The following TENM2 variants were observed in gnomAD, a reference collection of about 807,000 sequenced individuals.
TENM2 encodes teneurin transmembrane protein 2.
TENM2 carries 52 observed loss-of-function variants against 245.2 expected under a neutral mutation model. That is an observed-to-expected ratio of 0.21 (90% confidence interval 0.17 to 0.27). The LOEUF (loss-of-function observed/expected upper bound fraction) is 0.27, where lower values mean the gene tolerates loss of function less well. TENM2 is among the 10% of genes least tolerant of loss of function. The pLI is 1.00. For missense variants in TENM2, 3,046 were observed against 3,666.8 expected (o/e 0.83, Z 4.37); for synonymous variants, 1,363 against 1,438.9 (o/e 0.95, Z 1.19).
At position 168,151,730 on chromosome 5, in the gene TENM2, C is replaced by A. The variant is rs142585750; in HGVS notation, c.2423-10881C>A. Among the ~76,000 whole-genome samples, 206 of 152,328 alleles carry A rather than the reference C, an allele frequency of 1.4e-3. 1 individual carries two copies. Among genetic ancestry groups the A allele is most frequent in the African/African-American group, 4.5e-3 (186 of 41,578 alleles). On this transcript the variant is annotated intron_variant, in intron 12 of 28. Transcript: ENST00000518659. Reference sequence around the variant, plus strand: ...TGACTGAGGTGACCTGATGCAGTGGCCCCGGGCAGCAGCAGAATCTGTTGG... The same window carrying A: ...TGACTGAGGTGACCTGATGCAGTGGACCCGGGCAGCAGCAGAATCTGTTGG...
chr5:167,267,124 G>T, the TENM2 span, among the ~76,000 whole-genome samples: 1 of 152,148 alleles, frequency 6.6e-6, no homozygotes, highest in African/African-American at 2.4e-5. Context: ...AACCTAGGAA[G>T]GCATTTAATA....
chr5:167,071,565 A>G, the TENM2 span, among the ~76,000 whole-genome samples: 1 of 152,182 alleles, frequency 6.6e-6, no homozygotes, highest in Admixed American at 6.5e-5. Context: ...CATAATCTTG[A>G]TTAGTCAATC....
At chr5:167,844,781 C>A (rs1769872761) in intron 2 of TENM2, among the ~76,000 whole-genome samples, 1 of 148,768 alleles carries the variant, frequency 6.7e-6, no homozygotes, top group Non-Finnish European at 1.5e-5. Flanking sequence ...GCCTTTATCT[C>A]AATGCAGGTT....
At chr5:167,749,208 G>A (rs191877038) in intron 2 of TENM2, among the ~76,000 whole-genome samples, 1 of 152,122 alleles carries the variant, frequency 6.6e-6, no homozygotes. Context: ...GACTATACAA[G>A]GCATTATACT....
chr5:167,334,933 A>T (rs914277225), intron 1 of TENM2, among the ~76,000 whole-genome samples: 2 of 152,236 alleles, frequency 1.3e-5, no homozygotes, highest in Non-Finnish European at 2.9e-5. Flanking sequence ...CAAATTTCAT[A>T]GCAAGTATTT....
At chr5:168,020,584 G>T (rs555125251) in intron 5 of TENM2, among the ~76,000 whole-genome samples, 1 of 152,254 alleles carries the variant, frequency 6.6e-6, no homozygotes, top group Admixed American at 6.5e-5. Flanking sequence ...CAGCAGCTTA[G>T]GTGGCAGATC....
intron 12 of TENM2, among the ~76,000 whole-genome samples, chr5:168,143,467 G>A (rs1755739192): frequency 6.6e-6 from 1 of 152,042 alleles, no homozygotes; most frequent in African/African-American, 2.4e-5. Context: ...GCAGAAGTGG[G>A]GGGAAAAAAC....
At chr5:167,067,121 T>C in the TENM2 span, among the ~76,000 whole-genome samples, 1 of 152,196 alleles carries the variant, frequency 6.6e-6, no homozygotes, top group Admixed American at 6.5e-5. Flanking sequence ...AGTGATTCTG[T>C]ATAAAATTGG....
At chr5:167,507,745 T>C (rs1769652111) in intron 2 of TENM2, among the ~76,000 whole-genome samples, 2 of 152,168 alleles carry the variant, frequency 1.3e-5, no homozygotes, top group Non-Finnish European at 2.9e-5. Context: ...TTGCTGTGTA[T>C]GGGTTAGTAT....
At chr5:168,164,736 A>G (rs1758066767) in intron 13 of TENM2, among the ~76,000 whole-genome samples, 1 of 152,176 alleles carries the variant, frequency 6.6e-6, no homozygotes, top group Admixed American at 6.5e-5. Flanking sequence ...CAGGTATGTT[A>G]TCCACCCCCA....
At chr5:167,870,088 A>G (rs1772683663) in intron 2 of TENM2, among the ~76,000 whole-genome samples, 1 of 152,206 alleles carries the variant, frequency 6.6e-6, no homozygotes, top group Non-Finnish European at 1.5e-5. Flanking sequence ...TCCTTTTGCA[A>G]TACTTAACTT....
intron 2 of TENM2, among the ~76,000 whole-genome samples, chr5:167,584,573 C>T (rs1180453341): frequency 6.6e-6 from 1 of 152,140 alleles, no homozygotes; most frequent in Non-Finnish European, 1.5e-5. Context: ...CTTTTGTTAT[C>T]TGGGCATGAA....
chr5:168,051,415 T>C (rs1323513466), intron 6 of TENM2, among the ~76,000 whole-genome samples: 1 of 152,088 alleles, frequency 6.6e-6, no homozygotes, highest in Non-Finnish European at 1.5e-5. Context: ...ACAGAGACTA[T>C]ATGGCCCAAA....
At chr5:167,896,384 C>A (rs1366748512) in intron 3 of TENM2, among the ~76,000 whole-genome samples, 1 of 152,230 alleles carries the variant, frequency 6.6e-6, no homozygotes, top group African/African-American at 2.4e-5. Context: ...AGGCTGGAAT[C>A]TGGCTGTGAA....
chr5:167,200,724 C>A, the TENM2 span, among the ~76,000 whole-genome samples: 1 of 152,104 alleles, frequency 6.6e-6, no homozygotes, highest in Non-Finnish European at 1.5e-5. Context: ...AGTGTGGCAG[C>A]GGCTACTTCA....
intron 2 of TENM2, among the ~76,000 whole-genome samples, chr5:167,681,436 A>G (rs1756697868): frequency 6.6e-6 from 1 of 152,164 alleles, no homozygotes; most frequent in Non-Finnish European, 1.5e-5. Flanking sequence ...CATTTATGTT[A>G]TACCTATTTT....
intron 25 of TENM2, chr5:168,230,974 C>G (rs750509806): frequency 6.6e-6 from 1 of 152,212 alleles, no homozygotes; most frequent in Non-Finnish European, 1.5e-5. Context: ...CCAAATGCAT[C>G]GGGCGGCTCT....
intron 2 of TENM2, among the ~76,000 whole-genome samples, chr5:167,553,031 A>C (rs1365439052): frequency 6.6e-6 from 1 of 152,256 alleles, no homozygotes; most frequent in Non-Finnish European, 1.5e-5. Context: ...GGCAACCAAT[A>C]AAGACATAAT....
the TENM2 span, among the ~76,000 whole-genome samples, chr5:167,021,106 T>G: frequency 6.6e-6 from 1 of 152,028 alleles, no homozygotes; most frequent in African/African-American, 2.4e-5. Context: ...ATTGTTAGTT[T>G]GGGCAACAGA....
Sources: gnomAD v4.1 joint callset for allele counts (sites outside exome capture counted in the v4.1 genomes callset) on GRCh38, gnomAD v4.1.1 for gene constraint, MANE v1.5 for transcripts, NCBI Gene and HGNC (gene_info 2026-07-23, HGNC 2026-07-21) for gene names.